Variants in WDR41 observed in about 807,000 individuals in gnomAD.
WDR41 encodes the protein WD repeat domain 41, also known as WD repeat-containing protein 41.
In WDR41, 63 loss-of-function variants were observed where a neutral mutation model predicts 69.3. That is an observed-to-expected ratio of 0.91 (90% confidence interval 0.74 to 1.12). The LOEUF (loss-of-function observed/expected upper bound fraction) is 1.12, where lower values mean the gene tolerates loss of function less well. Among genes scored for constraint, WDR41 ranks in the 50% most tolerant of loss-of-function variants. The probability of loss-of-function intolerance (pLI) is 0.00; values close to 1 mark genes in which losing one functional copy is unlikely to be tolerated. For synonymous variants in WDR41, 185 were observed against 192.1 expected (o/e 0.96, Z 0.31); for missense variants, 543 against 534.5 (o/e 1.02, Z -0.16).
intron 2 of WDR41, among the ~76,000 whole-genome samples, chr5:77,485,153 G>T (rs1801455462): frequency 6.6e-6 from 1 of 151,968 alleles, no homozygotes; most frequent in Admixed American, 6.5e-5. Context: ...TCCTTTCATT[G>T]GCTTTCTCTC....
chr5:77,560,110 T>G (rs7728424), intron 1 of WDR41, among the ~76,000 whole-genome samples: 15,865 of 152,200 alleles, frequency 0.1, 1,749 homozygotes, highest in East Asian at 0.26. Flanking sequence ...TTGCTTTAAC[T>G]GTGATTCATA....
Position 77,559,729 on chromosome 5 carries a change from T to C in WDR41, c.42+60750A>G, listed in dbSNP as rs140565917. Among the ~76,000 whole-genome samples the C allele has an allele frequency of 1.9e-3, 292 of 152,146 alleles. 1 individual carries two copies. The highest frequency in any genetic ancestry group is 3.5e-3 in the Non-Finnish European group (237 of 67,954). On this transcript the variant is annotated intron_variant, in intron 1 of 5. Coordinates refer to the WDR41 transcript ENST00000509971. Reference sequence around the variant, plus strand: ...TATTCCTACATACTCATGACCTTTATATAGGAAAGAGTCCTGAAATCCTCC... The same window carrying C: ...TATTCCTACATACTCATGACCTTTACATAGGAAAGAGTCCTGAAATCCTCC...
chr5:77,569,223 T>A (rs948001772), intron 1 of WDR41, among the ~76,000 whole-genome samples: 1 of 152,208 alleles, frequency 6.6e-6, no homozygotes, highest in African/African-American at 2.4e-5. Flanking sequence ...ACTTACTTCA[T>A]CTTTCAAGGA....
chr5:77,463,221 C>A lies in WDR41; in HGVS notation c.222G>T (p.Gly74=). The change falls in exon 4 of 13, where the codon GGG becomes GGT. Residue 74 remains glycine, a synonymous_variant. Coordinates refer to ENST00000296679, the MANE Select transcript of WDR41 (RefSeq NM_018268.4). ...GIVVVWNAQT[G]EKLLELNGHT... is the part of the protein sequence containing the mutation. ...GTCCATTCAGTTCTAAAAGTTTTTCCCCTGTCTGAAATACCAATAAAAATG... is the reference window on the plus strand; with the variant it reads ...GTCCATTCAGTTCTAAAAGTTTTTCACCTGTCTGAAATACCAATAAAAATG... 1 of 1,605,288 alleles carries A rather than the reference C, an allele frequency of 6.2e-7. No individual in the cohort carries two copies. Among genetic ancestry groups the A allele is most frequent in the Non-Finnish European group, 8.5e-7 (1 of 1,176,898 alleles).
chr5:77,618,308 G>C (rs1307006017), intron 1 of WDR41, among the ~76,000 whole-genome samples: 1 of 152,038 alleles, frequency 6.6e-6, no homozygotes, highest in Admixed American at 6.6e-5. Flanking sequence ...AAAACTGTAT[G>C]AACACTCTGA....
chr5:77,501,080 A>T (rs1802011813), intron 1 of WDR41, among the ~76,000 whole-genome samples: 1 of 152,248 alleles, frequency 6.6e-6, no homozygotes, highest in South Asian at 2.1e-4. Context: ...GCGTTGCCTC[A>T]CCCAGGAAGT....
intron 1 of WDR41, among the ~76,000 whole-genome samples, chr5:77,610,200 T>C (rs181200777): frequency 6.8e-4 from 103 of 152,306 alleles, no homozygotes; most frequent in Admixed American, 6.5e-3. Context: ...CTGAAAGTTA[T>C]GGGGAGAATG....
intron 1 of WDR41, among the ~76,000 whole-genome samples, chr5:77,574,758 A>G (rs544597897): frequency 1.4e-3 from 212 of 152,344 alleles, no homozygotes; most frequent in African/African-American, 4.9e-3. Context: ...ACAGCGACAT[A>G]GATCTACAGT....
In WDR41 at chr5:77,595,545, C is replaced by G. The variant is rs1030973803; in HGVS notation, c.42+24934G>C. ...TATTGATTTACTTTGTTTATTGGCA[C>G]AAAATCAGCTTGAGATAAACATTTT... On this transcript the variant is annotated intron_variant, in intron 1 of 5. Transcript: ENST00000509971. 6.6e-5 allele frequency among the ~76,000 whole-genome samples: 10 copies of G among 152,236 alleles called. No individual in the cohort carries two copies. The East Asian group carries it at 1.9e-3, about 29-fold the overall frequency.
chr5:77,533,944 G>A (rs1742914217), intron 1 of WDR41, among the ~76,000 whole-genome samples: 1 of 152,122 alleles, frequency 6.6e-6, no homozygotes, highest in South Asian at 2.1e-4. Flanking sequence ...ATTTTGTGGA[G>A]TTGTTACAGT....
chr5:77,467,384 G>C (rs565350833), intron 2 of WDR41, among the ~76,000 whole-genome samples: 9 of 152,010 alleles, frequency 5.9e-5, no homozygotes, highest in Admixed American at 3.9e-4. Context: ...CCTTACATGT[G>C]GTTCTTGCTT....
chr5:77,607,390 G>C (rs957779856), intron 1 of WDR41, among the ~76,000 whole-genome samples: 1 of 152,226 alleles, frequency 6.6e-6, no homozygotes, highest in African/African-American at 2.4e-5. Flanking sequence ...TTTTAAGCCT[G>C]GTAGCTAGAT....
intron 10 of WDR41, 82 bp downstream of exon 10, chr5:77,438,158 T>G (rs1799017493): frequency 6.3e-7 from 1 of 1,586,166 alleles, no homozygotes; most frequent in African/African-American, 1.3e-5. Flanking sequence ...GCCAGGTAAC[T>G]TGGCCACTTG....
intron 1 of WDR41, among the ~76,000 whole-genome samples, chr5:77,593,021 T>G (rs1744161089): frequency 6.6e-6 from 1 of 151,938 alleles, no homozygotes; most frequent in Non-Finnish European, 1.5e-5. Flanking sequence ...AAAGAACAAA[T>G]CACATGAATA....
intron 2 of WDR41, among the ~76,000 whole-genome samples, chr5:77,470,649 C>G (rs1452139696): frequency 6.6e-6 from 1 of 152,100 alleles, no homozygotes; most frequent in South Asian, 2.1e-4. Flanking sequence ...ATAAAACAGA[C>G]TTTAAACCAA....
intron 1 of WDR41, among the ~76,000 whole-genome samples, chr5:77,606,675 C>G (rs191020960): frequency 2.0e-5 from 3 of 151,950 alleles, no homozygotes; most frequent in Admixed American, 1.3e-4. Flanking sequence ...TGGTAGCACA[C>G]ACCAGTAGTC....
chr5:77,444,437 CCT>C (rs1436637585), intron 8 of WDR41, among the ~76,000 whole-genome samples: 15 of 152,220 alleles, frequency 9.9e-5, no homozygotes, highest in Non-Finnish European at 1.9e-4. Flanking sequence ...GCACCCAGAG[CCT>C]TCTGCCTGGA....
Position 77,431,644 on chromosome 5 carries a change from C to T in WDR41, c.*1491G>A, listed in dbSNP as rs765246701. 26 of 152,082 alleles carry T rather than the reference C, an allele frequency of 1.7e-4. No homozygotes were observed. The highest frequency in any genetic ancestry group is 5.1e-4 in the African/African-American group (21 of 41,400). 9.4% of individuals were successfully genotyped at this position (152,082 alleles called of 1,614,324 possible). ...ACTCCATTTGAATAGATTACTATCA[C>T]AAAATACTAGCCTAGAACAGGCTAG... On this transcript the variant is annotated 3_prime_UTR_variant, in exon 13 of 13. Transcript: ENST00000296679.
intron 1 of WDR41, among the ~76,000 whole-genome samples, chr5:77,612,024 A>G (rs957301503): frequency 8.5e-5 from 13 of 152,220 alleles, no homozygotes; most frequent in Non-Finnish European, 5.9e-5. Context: ...CTCTATGCAA[A>G]TAAACTAGAA....
Sources: gnomAD v4.1 joint callset for allele counts (sites outside exome capture counted in the v4.1 genomes callset) on GRCh38, gnomAD v4.1.1 for gene constraint, MANE v1.5 for transcripts, NCBI Gene and HGNC (gene_info 2026-07-23, HGNC 2026-07-21) for gene names.